The following MACROD2 variants were observed in gnomAD, a reference collection of about 807,000 sequenced individuals.
The protein encoded by MACROD2 is ADP-ribose glycohydrolase MACROD2.
Under a neutral mutation model 70.4 loss-of-function variants are expected in MACROD2, and 36 were observed. The observed-to-expected ratio is 0.51, with a 90% CI of 0.39 to 0.68. The LOEUF is 0.68. Ranked by LOEUF, MACROD2 falls within the 30% of genes least tolerant of loss-of-function variation. MACROD2 has a pLI of 0.00. For missense variants in MACROD2, 496 were observed against 538.4 expected (o/e 0.92, Z 0.78); for synonymous variants, 172 against 178.8 (o/e 0.96, Z 0.30).
chr20:14,752,169 G>T (rs2071881468), intron 5 of MACROD2, among the ~76,000 whole-genome samples: 1 of 150,036 alleles, frequency 6.7e-6, no homozygotes, highest in Non-Finnish European at 1.5e-5. Flanking sequence ...TAAAGCTGAA[G>T]CAGAGATGCT....
chr20:15,150,037 AGTT>A (rs1484647412), intron 5 of MACROD2, among the ~76,000 whole-genome samples: 1 of 143,112 alleles, frequency 7.0e-6, no homozygotes, highest in Non-Finnish European at 1.6e-5. Flanking sequence ...GAAGGAAAGG[AGTT>A]GTTGTTTTGT....
chr20:15,598,905 C>T (rs1438461542), intron 8 of MACROD2, among the ~76,000 whole-genome samples: 1 of 152,104 alleles, frequency 6.6e-6, no homozygotes, highest in Non-Finnish European at 1.5e-5. Context: ...ACTGGGTGTC[C>T]TGAATTTTAA....
chr20:15,499,582 G>T (rs879133681), intron 7 of MACROD2, among the ~76,000 whole-genome samples, 192 bp from the exon 8 acceptor site: 2 of 152,100 alleles, frequency 1.3e-5, no homozygotes, highest in Non-Finnish European at 2.9e-5. Flanking sequence ...CTGTACTGGT[G>T]TAGGACCAGC....
chr20:15,269,016 G>A (rs953718874), intron 6 of MACROD2, among the ~76,000 whole-genome samples: 2 of 152,206 alleles, frequency 1.3e-5, no homozygotes, highest in Admixed American at 6.5e-5. Context: ...CAGAGCCACA[G>A]CATCTTCTGA....
At chr20:14,153,887 AG>A (rs2055057679) in intron 3 of MACROD2, among the ~76,000 whole-genome samples, 1 of 152,242 alleles carries the variant, frequency 6.6e-6, no homozygotes, top group South Asian at 2.1e-4. Context: ...GAAAGGAAGA[AG>A]ACTCCTCTCC....
chr20:14,866,876 C>T (rs1478831136), intron 5 of MACROD2, among the ~76,000 whole-genome samples: 1 of 152,046 alleles, frequency 6.6e-6, no homozygotes, highest in Non-Finnish European at 1.5e-5. Context: ...GGTGTTAATG[C>T]AACCTTGTCA....
chr20:13,995,814 C>A lies in MACROD2; in HGVS notation c.46+5C>A. On this transcript the variant is annotated splice_donor_5th_base_variant and intron_variant, in intron 1 of 17. Coordinates refer to ENST00000684519, the MANE Select transcript of MACROD2 (RefSeq NM_001351661.2). This position sits in a 1 kb window ranked among gnomAD's most constrained non-coding sequence, Gnocchi z 4.3. ...AGGTGTGGAGAGAGGAGAAAGGTAA[C>A]CGGCCCGTCGAGTCCTGGGGGTGCG... The A allele has an allele frequency of 6.3e-7, 1 of 1,593,266 alleles. No homozygotes were observed. Among genetic ancestry groups the A allele is most frequent in the Non-Finnish European group, 8.6e-7 (1 of 1,168,646 alleles).
chr20:14,839,089 C>T (rs957346909), intron 5 of MACROD2, among the ~76,000 whole-genome samples: 6 of 151,988 alleles, frequency 3.9e-5, no homozygotes, highest in Non-Finnish European at 7.4e-5. Flanking sequence ...GTTGAAGCAG[C>T]GTAGGGGTCG....
intron 5 of MACROD2, among the ~76,000 whole-genome samples, chr20:14,837,374 C>T (rs139817293): frequency 6.6e-6 from 1 of 152,048 alleles, no homozygotes; most frequent in East Asian, 1.9e-4. Context: ...TTCATAGGAG[C>T]TCCCAGTGAG....
intron 8 of MACROD2, among the ~76,000 whole-genome samples, chr20:15,830,695 G>A (rs2064045673): frequency 6.6e-6 from 1 of 152,132 alleles, no homozygotes; most frequent in Non-Finnish European, 1.5e-5. Flanking sequence ...CTTGTCCTGT[G>A]TTGTTTGTTA....
intron 4 of MACROD2, among the ~76,000 whole-genome samples, chr20:14,529,230 A>G (rs1024094273): frequency 1.3e-5 from 2 of 152,238 alleles, no homozygotes; most frequent in East Asian, 1.9e-4. Flanking sequence ...AGATTAAACA[A>G]CAAGATTTAT....
intron 2 of MACROD2, among the ~76,000 whole-genome samples, chr20:14,070,291 G>C (rs2053820469): frequency 6.7e-6 from 1 of 148,606 alleles, no homozygotes; most frequent in African/African-American, 2.5e-5. Flanking sequence ...ATATATTTGA[G>C]AATAAATGGA....
intron 17 of MACROD2, among the ~76,000 whole-genome samples, chr20:16,045,570 G>A (rs978419184): frequency 3.3e-5 from 5 of 152,106 alleles, no homozygotes; most frequent in Non-Finnish European, 7.3e-5. Flanking sequence ...CATCTGGACT[G>A]CAGCAAGGGT....
At chr20:15,911,804 A>C (rs2065241479) in intron 10 of MACROD2, among the ~76,000 whole-genome samples, 1 of 152,194 alleles carries the variant, frequency 6.6e-6, no homozygotes, top group South Asian at 2.1e-4. Flanking sequence ...ACAGGAAGTA[A>C]ATAGTACTGT....
chr20:14,171,031 G>C (rs780041857), intron 3 of MACROD2, among the ~76,000 whole-genome samples: 1 of 151,958 alleles, frequency 6.6e-6, no homozygotes, highest in Non-Finnish European at 1.5e-5. Context: ...GCTTATTATT[G>C]GTCTGTTCAG....
chr20:14,278,806 G>GA (rs2082280470), intron 3 of MACROD2, among the ~76,000 whole-genome samples: 1 of 151,932 alleles, frequency 6.6e-6, no homozygotes, highest in Admixed American at 6.6e-5. Flanking sequence ...GAGTACATCA[G>GA]AAAAAATAAT....
At chr20:15,678,312 G>A (rs1600746895) in intron 8 of MACROD2, among the ~76,000 whole-genome samples, 2 of 152,020 alleles carry the variant, frequency 1.3e-5, no homozygotes, top group South Asian at 2.1e-4. Context: ...GCTACAGTGA[G>A]CAATGATGGT....
At chr20:15,448,378 C>T (rs781313070) in intron 7 of MACROD2, among the ~76,000 whole-genome samples, 18 of 152,118 alleles carry the variant, frequency 1.2e-4, no homozygotes, top group Non-Finnish European at 2.1e-4. Flanking sequence ...CTTGCCCTGG[C>T]GTCCCTGAGC....
chr20:15,096,653 A>T (rs545482658), intron 5 of MACROD2, among the ~76,000 whole-genome samples: 1 of 151,164 alleles, frequency 6.6e-6, no homozygotes, highest in African/African-American at 2.4e-5. Flanking sequence ...CTGAGACTAT[A>T]GATGTGCACC....
Sources: gnomAD v4.1 joint callset for allele counts (sites outside exome capture counted in the v4.1 genomes callset) on GRCh38, gnomAD v4.1.1 for gene constraint, Gnocchi (gnomAD v3.1) non-coding constraint, MANE v1.5 for transcripts, NCBI Gene and HGNC (gene_info 2026-07-23, HGNC 2026-07-21) for gene names.